Variants in AAK1 observed in about 807,000 individuals in gnomAD.
AAK1 encodes the protein AP2-associated protein kinase 1.
In AAK1, 37 loss-of-function variants were observed where a neutral mutation model predicts 116.0. That is an observed-to-expected ratio of 0.32 (90% CI 0.25 to 0.42). AAK1 has a LOEUF of 0.42. Ranked by LOEUF, AAK1 falls within the 10% of genes least tolerant of loss-of-function variation. AAK1 has a pLI of 1.00. For missense variants in AAK1, 919 were observed against 1,170.6 expected, an observed-to-expected ratio of 0.79 and a Z score of 3.14; for synonymous variants, 458 against 439.9, an observed-to-expected ratio of 1.04 and a Z score of -0.51.
rs373294133 is a variant in AAK1, at chr2:69,604,520, T to C, written c.163+38358A>G. On this transcript the variant is annotated intron_variant, in intron 2 of 21. Coordinates refer to ENST00000409085, the MANE Select transcript of AAK1 (RefSeq NM_014911.5). ...ACCCTCTTACCTTCTTGCCCCACCATAGTATCAGTGGACAAAATCCACAAG... is the reference window on the plus strand; with the variant it reads ...ACCCTCTTACCTTCTTGCCCCACCACAGTATCAGTGGACAAAATCCACAAG... Among the ~76,000 whole-genome samples the C allele has an allele frequency of 2.0e-4, 31 of 152,296 alleles. 1 individual carries two copies. The East Asian group carries it at 4.8e-3, about 24-fold the overall frequency.
intron 5 of AAK1, among the ~76,000 whole-genome samples, chr2:69,542,194 C>T (rs1670750312): frequency 6.6e-6 from 1 of 151,918 alleles, no homozygotes; most frequent in African/African-American, 2.4e-5. Flanking sequence ...CTTTAAAAAC[C>T]AAGCATCATT....
In AAK1 at chr2:69,469,920, C is replaced by G. The variant is rs1192548744; in HGVS notation, c.*5949G>C. 3.0e-6 allele frequency: 3 copies of G among 985,268 alleles called. No individual in the cohort carries two copies. The highest frequency in any genetic ancestry group is 3.6e-6 in the Non-Finnish European group (3 of 829,950). 61.0% of individuals were successfully genotyped at this position (985,268 alleles called of 1,614,324 possible). On this transcript the variant is annotated 3_prime_UTR_variant, in exon 22 of 22. Transcript: ENST00000409085. ...GATTTCAGCAAGAACTCACATGCTTCAGGGAAGAGAAGGAGTTCCTAAAAT... is the reference window on the plus strand; with the variant it reads ...GATTTCAGCAAGAACTCACATGCTTGAGGGAAGAGAAGGAGTTCCTAAAAT...
intron 16 of AAK1, among the ~76,000 whole-genome samples, chr2:69,497,449 C>T (rs964899300): frequency 3.3e-5 from 5 of 151,610 alleles, no homozygotes; most frequent in Non-Finnish European, 7.4e-5. Flanking sequence ...TTACAGGCAC[C>T]TACCACCACA....
At chr2:69,496,119 A>T (rs1399401965) in intron 16 of AAK1, 39 bp from the exon 17 acceptor site, 2 of 1,440,780 alleles carry the variant, frequency 1.4e-6, no homozygotes, top group South Asian at 2.5e-5. Flanking sequence ...GTCAGGAGAG[A>T]AAAAAAGAGA....
intron 2 of AAK1, among the ~76,000 whole-genome samples, chr2:69,613,904 C>T (rs968020501): frequency 2.6e-5 from 4 of 152,226 alleles, no homozygotes; most frequent in African/African-American, 9.7e-5. Context: ...TAACCTGGTA[C>T]CAGAAGCTTG....
chr2:69,543,003 A>G (rs60822675), intron 4 of AAK1, among the ~76,000 whole-genome samples: 2,688 of 152,348 alleles, frequency 0.018, 74 homozygotes, highest in African/African-American at 0.061. Context: ...TGTATGAGAC[A>G]TGGCCACAGC....
intron 3 of AAK1, among the ~76,000 whole-genome samples, chr2:69,551,881 C>G (rs528633225): frequency 6.6e-6 from 1 of 152,354 alleles, no homozygotes; most frequent in African/African-American, 2.4e-5. Flanking sequence ...CGTGAAACCA[C>G]TCAGTGAAAC....
chr2:69,562,697 C>A (rs1434396178), intron 2 of AAK1, among the ~76,000 whole-genome samples: 1 of 152,102 alleles, frequency 6.6e-6, no homozygotes, highest in Non-Finnish European at 1.5e-5. Context: ...CAAGACCATC[C>A]TGGCTAACAC....
chr2:69,625,762 T>C (rs950915751), intron 2 of AAK1, among the ~76,000 whole-genome samples: 3 of 152,212 alleles, frequency 2.0e-5, no homozygotes, highest in South Asian at 2.1e-4. Flanking sequence ...ACTTTAAAAA[T>C]TGATACACTT....
chr2:69,509,564 G>T, intron 13 of AAK1, 104 bp from the exon 14 acceptor site: 1 of 948,396 alleles, frequency 1.1e-6, no homozygotes, highest in Non-Finnish European at 1.6e-6. Context: ...TGCCACATAA[G>T]CACTAACATG....
chr2:69,610,839 A>G (rs755106451), intron 2 of AAK1, among the ~76,000 whole-genome samples: 1 of 152,238 alleles, frequency 6.6e-6, no homozygotes, highest in Non-Finnish European at 1.5e-5. Flanking sequence ...CCACTAGGAT[A>G]GCTATTACTA....
intron 2 of AAK1, among the ~76,000 whole-genome samples, chr2:69,596,806 G>C (rs974175928): frequency 6.6e-6 from 1 of 152,128 alleles, no homozygotes; most frequent in Non-Finnish European, 1.5e-5. Context: ...AGAATGCTGG[G>C]GTATGTGGTG....
intron 2 of AAK1, among the ~76,000 whole-genome samples, chr2:69,571,529 A>G (rs1672095126): frequency 6.6e-6 from 1 of 152,206 alleles, no homozygotes; most frequent in South Asian, 2.1e-4. Context: ...CTTGCACCCA[A>G]TGACTCTAAG....
At chr2:69,600,230 T>C (rs1292086574) in intron 2 of AAK1, among the ~76,000 whole-genome samples, 1 of 151,074 alleles carries the variant, frequency 6.6e-6, no homozygotes, top group African/African-American at 2.4e-5. Context: ...TTATGAATAT[T>C]CCAGGATTGA....
intron 2 of AAK1, among the ~76,000 whole-genome samples, chr2:69,602,949 C>G (rs532328728): frequency 6.6e-6 from 1 of 152,252 alleles, no homozygotes; most frequent in African/African-American, 2.4e-5. Flanking sequence ...TATGTATTAT[C>G]CCATTTACAA....
chr2:69,558,847 C>T (rs1030112560), intron 2 of AAK1, among the ~76,000 whole-genome samples: 3 of 152,198 alleles, frequency 2.0e-5, no homozygotes, highest in South Asian at 2.1e-4. Context: ...CCTTCTAATT[C>T]CCCCAAGGCT....
chr2:69,567,919 A>G (rs1671943693), intron 2 of AAK1, among the ~76,000 whole-genome samples: 1 of 152,186 alleles, frequency 6.6e-6, no homozygotes, highest in African/African-American at 2.4e-5. Context: ...AAGAAATGAA[A>G]CACCCCATGC....
chr2:69,631,855 C>A (rs1368030661), intron 2 of AAK1, among the ~76,000 whole-genome samples: 1 of 152,122 alleles, frequency 6.6e-6, no homozygotes, highest in Admixed American at 6.5e-5. Flanking sequence ...TGGTGCGCAC[C>A]TGTGGTCCCA....
rs1674529991 is a variant in AAK1 at position 69,467,550 on chromosome 2, T to C, written c.*8319A>G. 1.0e-6 allele frequency: 1 copy of C among 985,298 alleles called. No homozygotes were observed. The highest frequency in any genetic ancestry group is 1.7e-5 in the African/African-American group (1 of 57,226). 61.0% of individuals were successfully genotyped at this position (985,298 alleles called of 1,614,324 possible). A position where few individuals can be genotyped will look rare whatever the true frequency, so the allele number is the denominator to read the frequency against. On this transcript the variant is annotated 3_prime_UTR_variant, in exon 22 of 22. Transcript: ENST00000409085. ...TGGGGGTAAAGGTATCATTTCATCA[T>C]GGGCTCAGTAAAGAGATACTACTGG...
Sources: gnomAD v4.1 joint callset for allele counts (sites outside exome capture counted in the v4.1 genomes callset) on GRCh38, gnomAD v4.1.1 for gene constraint, MANE v1.5 for transcripts, NCBI Gene and HGNC (gene_info 2026-07-23, HGNC 2026-07-21) for gene names.